HPSE2: variants seen among roughly 807,000 people sequenced by gnomAD.
The protein encoded by HPSE2 is inactive heparanase-2.
In HPSE2, 38 loss-of-function variants were observed where a neutral mutation model predicts 60.5. The observed-to-expected ratio is 0.63, with a 90% CI of 0.48 to 0.82. The LOEUF is 0.82. Among genes scored for constraint, HPSE2 ranks in the 40% least tolerant of loss-of-function variants. The probability of loss-of-function intolerance (pLI) is 0.00; values close to 1 mark genes in which losing one functional copy is unlikely to be tolerated. For missense variants in HPSE2, 713 were observed against 740.4 expected (o/e 0.96, Z 0.43); for synonymous variants, 295 against 293.2 (o/e 1.01, Z -0.06).
At chr10:99,016,409 A>G (rs1176727086) in intron 3 of HPSE2, among the ~76,000 whole-genome samples, 1 of 152,154 alleles carries the variant, frequency 6.6e-6, no homozygotes, top group African/African-American at 2.4e-5. Flanking sequence ...TTTTTGTACC[A>G]GTACCATGAT....
At chr10:98,634,957 T>G (rs1354525001) in intron 7 of HPSE2, among the ~76,000 whole-genome samples, 1 of 152,188 alleles carries the variant, frequency 6.6e-6, no homozygotes, top group Non-Finnish European at 1.5e-5. Context: ...TTCCTTTCCC[T>G]CACAAACTAA....
intron 3 of HPSE2, among the ~76,000 whole-genome samples, chr10:98,856,731 T>C (rs372540547): frequency 7.9e-5 from 12 of 152,314 alleles, no homozygotes; most frequent in African/African-American, 2.6e-4. Flanking sequence ...GTACGTTTTA[T>C]CACTACAAAG....
chr10:99,273,618 T>C, the HPSE2 span, among the ~76,000 whole-genome samples: 1 of 152,246 alleles, frequency 6.6e-6, no homozygotes. Flanking sequence ...CCTAAAGATA[T>C]GAGACTAGTT....
intron 3 of HPSE2, among the ~76,000 whole-genome samples, chr10:98,753,207 TCAC>T (rs1368689725): frequency 6.6e-6 from 1 of 152,084 alleles, no homozygotes; most frequent in Non-Finnish European, 1.5e-5. Flanking sequence ...TTATGTATTA[TCAC>T]TAAAAAAATG....
intron 3 of HPSE2, among the ~76,000 whole-genome samples, chr10:98,844,013 A>G (rs552184891): frequency 6.6e-6 from 1 of 152,280 alleles, no homozygotes; most frequent in South Asian, 2.1e-4. Flanking sequence ...GAATTCCCTG[A>G]TGCTTCTGGA....
rs879773284 is a variant in HPSE2, at chr10:98,814,189, TGAG to T, written c.611-70136_611-70134del. 1.1e-4 allele frequency among the ~76,000 whole-genome samples: 17 copies of T among 152,266 alleles called. No individual in the cohort carries two copies. The East Asian group carries it at 2.9e-3, about 26-fold the overall frequency. ...AGATCAAATTTATCAAATTTGATAC[TGAG>T]TTTTTTAATGTTTTTAATAAAATTG... On this transcript the variant is annotated intron_variant, in intron 3 of 11. Coordinates refer to ENST00000370552, the MANE Select transcript of HPSE2 (RefSeq NM_021828.5).
intron 3 of HPSE2, among the ~76,000 whole-genome samples, chr10:99,096,818 G>C (rs1374309940): frequency 6.6e-6 from 1 of 152,090 alleles, no homozygotes; most frequent in Non-Finnish European, 1.5e-5. Flanking sequence ...CATGATATGG[G>C]ACTTTCTATG....
chr10:98,570,862 G>A (rs1241596289), intron 9 of HPSE2, among the ~76,000 whole-genome samples: 2 of 152,066 alleles, frequency 1.3e-5, no homozygotes, highest in Non-Finnish European at 2.9e-5. Flanking sequence ...AAAAAAATAC[G>A]ATTCTTTCTC....
At chr10:99,258,627 C>A in the HPSE2 span, among the ~76,000 whole-genome samples, 4 of 152,112 alleles carry the variant, frequency 2.6e-5, no homozygotes, top group African/African-American at 7.2e-5. Context: ...GATTTCAAAT[C>A]TTATTATAAA....
At chr10:98,777,311 A>G (rs1302344197) in intron 3 of HPSE2, among the ~76,000 whole-genome samples, 2 of 152,182 alleles carry the variant, frequency 1.3e-5, no homozygotes, top group South Asian at 2.1e-4. Flanking sequence ...ATAGAAGTAG[A>G]TAGGTAGTTC....
At chr10:99,270,944 G>C in the HPSE2 span, among the ~76,000 whole-genome samples, 3 of 152,168 alleles carry the variant, frequency 2.0e-5, no homozygotes, top group Non-Finnish European at 4.4e-5. Context: ...ATCTCTTTAT[G>C]ATTAAAACCC....
intron 3 of HPSE2, among the ~76,000 whole-genome samples, chr10:98,829,473 A>T (rs1370173512): frequency 3.9e-5 from 6 of 152,110 alleles, no homozygotes; most frequent in Middle Eastern, 3.4e-3. Flanking sequence ...GTGAGCCAAG[A>T]TCATGCCACT....
intron 5 of HPSE2, among the ~76,000 whole-genome samples, chr10:98,699,342 C>T (rs1948334344): frequency 6.8e-6 from 1 of 147,242 alleles, no homozygotes; most frequent in East Asian, 2.1e-4. Context: ...TCAATATACG[C>T]AAATCAATAA....
At chr10:99,053,778 G>C (rs112983514) in intron 3 of HPSE2, among the ~76,000 whole-genome samples, 2 of 131,952 alleles carry the variant, frequency 1.5e-5, no homozygotes, top group African/African-American at 5.6e-5. Flanking sequence ...CATCAGGCTG[G>C]AGTGCAGTGG....
intron 2 of HPSE2, among the ~76,000 whole-genome samples, chr10:99,169,243 C>A (rs1315064488): frequency 6.9e-6 from 1 of 144,968 alleles, no homozygotes; most frequent in African/African-American, 2.6e-5. Context: ...CGGTGGCTCA[C>A]GCCTTTAATC....
At chr10:99,127,879 T>C (rs781190104) in intron 3 of HPSE2, among the ~76,000 whole-genome samples, 6 of 152,236 alleles carry the variant, frequency 3.9e-5, no homozygotes, top group Non-Finnish European at 5.9e-5. Context: ...AACAATTTTG[T>C]ATCCAACAAA....
chr10:99,083,540 A>C (rs1217816665), intron 3 of HPSE2, among the ~76,000 whole-genome samples: 1 of 152,216 alleles, frequency 6.6e-6, no homozygotes, highest in Non-Finnish European at 1.5e-5. Flanking sequence ...TCTTACCTTT[A>C]GATAGCATTT....
In HPSE2 at chr10:98,545,696, A is replaced by C. The variant is rs183651111; in HGVS notation, c.1321-55500T>G. Reference sequence around the variant, plus strand: ...TCTATGACAAACCCACGCCAATATCATACTGAATGGGCAAAAACTGGAAGC... The same window carrying C: ...TCTATGACAAACCCACGCCAATATCCTACTGAATGGGCAAAAACTGGAAGC... On this transcript the variant is annotated intron_variant, in intron 9 of 11. Coordinates refer to ENST00000370552, the MANE Select transcript of HPSE2 (RefSeq NM_021828.5). Among the ~76,000 whole-genome samples, 217 of 152,196 alleles carry C rather than the reference A, an allele frequency of 1.4e-3. 1 individual carries two copies. Among genetic ancestry groups the C allele is most frequent in the African/African-American group, 5.0e-3 (208 of 41,534 alleles).
the HPSE2 span, among the ~76,000 whole-genome samples, chr10:99,309,077 A>C: frequency 6.3e-3 from 955 of 152,286 alleles, 6 homozygotes; most frequent in African/African-American, 0.021. Context: ...GGCCAGATAC[A>C]AAAGACCACA....
Sources: allele counts gnomAD v4.1 joint callset (sites outside exome capture counted in the v4.1 genomes callset), GRCh38; gene constraint gnomAD v4.1.1; transcripts MANE v1.5; gene names NCBI Gene and HGNC (gene_info 2026-07-23, HGNC 2026-07-21).